Variants in SLC8A1 observed in about 807,000 individuals in gnomAD.
The protein encoded by SLC8A1 is solute carrier family 8 member A1.
Under a neutral mutation model 68.3 loss-of-function variants are expected in SLC8A1, and 18 were observed. The observed-to-expected ratio is 0.26, with a 90% CI of 0.18 to 0.39. The LOEUF (loss-of-function observed/expected upper bound fraction) is 0.39. SLC8A1 is among the 10% of genes least tolerant of loss of function. SLC8A1 has a pLI of 1.00. For missense variants in SLC8A1, 985 were observed against 1,156.7 expected (o/e 0.85, Z 2.15); for synonymous variants, 475 against 415.5 (o/e 1.14, Z -1.74).
chr2:40,266,833 G>A (rs981081342), intron 2 of SLC8A1, among the ~76,000 whole-genome samples: 13 of 152,094 alleles, frequency 8.5e-5, no homozygotes, highest in Non-Finnish European at 1.5e-4. Context: ...AATAAAATTG[G>A]CACTCTGCTT....
At chr2:40,327,750 C>A (rs112746880) in intron 2 of SLC8A1, among the ~76,000 whole-genome samples, 1,725 of 152,118 alleles carry the variant, frequency 0.011, 33 homozygotes, top group African/African-American at 0.039. Flanking sequence ...ACACTGGGGA[C>A]TCCAAAAGGA....
At chr2:40,288,918 T>A (rs1021394462) in intron 2 of SLC8A1, among the ~76,000 whole-genome samples, 1 of 149,750 alleles carries the variant, frequency 6.7e-6, no homozygotes, top group African/African-American at 2.5e-5. Flanking sequence ...TGGGCTGGTC[T>A]CAATCTCCTA....
At chr2:40,347,001 C>T (rs954427551) in intron 2 of SLC8A1, among the ~76,000 whole-genome samples, 3 of 152,176 alleles carry the variant, frequency 2.0e-5, no homozygotes, top group African/African-American at 7.2e-5. Flanking sequence ...TCCCACATCT[C>T]CTTTTGTACA....
At chr2:40,441,351 A>G (rs1156574625) in intron 1 of SLC8A1, among the ~76,000 whole-genome samples, 2 of 151,896 alleles carry the variant, frequency 1.3e-5, no homozygotes, top group African/African-American at 2.4e-5. Context: ...TATAGATACA[A>G]TGCTATTCCC....
intron 6 of SLC8A1, among the ~76,000 whole-genome samples, chr2:40,153,708 G>A (rs2043888455): frequency 6.6e-6 from 1 of 152,136 alleles, no homozygotes; most frequent in Admixed American, 6.6e-5. Context: ...ATTCCATTTT[G>A]TTTCATAAGA....
chr2:40,200,296 G>A (rs1177250042), intron 2 of SLC8A1, among the ~76,000 whole-genome samples: 3 of 108,356 alleles, frequency 2.8e-5, no homozygotes, highest in Non-Finnish European at 5.4e-5. Context: ...CTGATACTTA[G>A]AAGAAATTAC....
At chr2:40,182,980 C>T (rs1453458807) in intron 2 of SLC8A1, among the ~76,000 whole-genome samples, 1 of 152,196 alleles carries the variant, frequency 6.6e-6, no homozygotes, top group South Asian at 2.1e-4. Context: ...GAGGATTTCA[C>T]ATATTTAGAT....
intron 6 of SLC8A1, among the ~76,000 whole-genome samples, chr2:40,144,514 C>T (rs115211624): frequency 0.01 from 1,564 of 150,708 alleles, 25 homozygotes; most frequent in African/African-American, 0.035. Context: ...CATATTGATT[C>T]GAAGTTTGAG....
chr2:40,115,562 C>G, exon 8 of SLC8A1: 1 of 1,613,848 alleles, frequency 6.2e-7, no homozygotes, highest in Non-Finnish European at 8.5e-7. Flanking sequence ...CGTTGCTGCC[C>G]GTGACGTTAC....
intron 2 of SLC8A1, among the ~76,000 whole-genome samples, chr2:40,331,765 T>G (rs908801001): frequency 4.6e-5 from 7 of 152,020 alleles, no homozygotes; most frequent in Non-Finnish European, 1.0e-4. Context: ...ATCTAATTTT[T>G]GTATTTTTAG....
At chr2:40,482,102 A>C (rs915470845) in intron 1 of SLC8A1, among the ~76,000 whole-genome samples, 2 of 152,190 alleles carry the variant, frequency 1.3e-5, no homozygotes, top group Non-Finnish European at 2.9e-5. Flanking sequence ...AGAATGCTTA[A>C]TATGAAATTG....
chr2:40,292,767 C>T (rs564848047), intron 2 of SLC8A1, among the ~76,000 whole-genome samples: 1 of 152,220 alleles, frequency 6.6e-6, no homozygotes, highest in East Asian at 1.9e-4. Flanking sequence ...GGCTGCTGGA[C>T]TGGGAGATTT....
At chr2:40,120,115 C>T (rs2036445283) in intron 7 of SLC8A1, among the ~76,000 whole-genome samples, 1 of 152,206 alleles carries the variant, frequency 6.6e-6, no homozygotes, top group Non-Finnish European at 1.5e-5. Context: ...AAAAAAAGGT[C>T]ATTCTCACAG....
chr2:40,451,241 T>C (rs1391157641), intron 1 of SLC8A1, among the ~76,000 whole-genome samples: 1 of 152,180 alleles, frequency 6.6e-6, no homozygotes, highest in East Asian at 1.9e-4. Flanking sequence ...TGGGGAAAGA[T>C]GCCTGTGTGT....
At chr2:40,220,301 A>T (rs975143117) in intron 2 of SLC8A1, 4 of 152,168 alleles carry the variant, frequency 2.6e-5, no homozygotes, top group Admixed American at 1.3e-4. Flanking sequence ...GGGAGTGCCA[A>T]CTCTGACAGC....
intron 5 of SLC8A1, among the ~76,000 whole-genome samples, chr2:40,161,427 T>A (rs909623667): frequency 5.3e-5 from 8 of 152,186 alleles, no homozygotes; most frequent in Non-Finnish European, 8.8e-5. Context: ...GAGAATCTCA[T>A]GCTCACCCTA....
chr2:40,434,970 G>C (rs1049978165), intron 1 of SLC8A1, among the ~76,000 whole-genome samples: 3 of 152,160 alleles, frequency 2.0e-5, no homozygotes, highest in African/African-American at 7.2e-5. Flanking sequence ...GGCCTGAAGA[G>C]TGGTTGGCAG....
intron 2 of SLC8A1, among the ~76,000 whole-genome samples, chr2:40,185,210 G>A (rs7601991): frequency 0.12 from 18,040 of 152,134 alleles, 1,163 homozygotes; most frequent in African/African-American, 0.13. Context: ...AAGTTTAAAA[G>A]TAGAATTACC....
chr2:40,232,214 C>T (rs987107814), intron 2 of SLC8A1, among the ~76,000 whole-genome samples: 1 of 152,076 alleles, frequency 6.6e-6, no homozygotes, highest in African/African-American at 2.4e-5. Flanking sequence ...GACATTTGTG[C>T]TCTACCTTCT....
Sources: allele counts gnomAD v4.1 joint callset (sites outside exome capture counted in the v4.1 genomes callset), GRCh38; gene constraint gnomAD v4.1.1; transcripts MANE v1.5; gene names NCBI Gene and HGNC (gene_info 2026-07-23, HGNC 2026-07-21).